LRMDA: variants seen among roughly 807,000 people sequenced by gnomAD.
LRMDA encodes the protein leucine rich melanocyte differentiation associated, also known as leucine-rich melanocyte differentiation-associated protein.
LRMDA carries 18 observed loss-of-function variants against 29.8 expected under a neutral mutation model. That is an observed-to-expected ratio of 0.60 (90% confidence interval 0.42 to 0.90). LRMDA has a LOEUF of 0.90. Among genes scored for constraint, LRMDA ranks in the 40% least tolerant of loss-of-function variants. The pLI, the probability that LRMDA is intolerant of heterozygous loss-of-function variation, is 0.00. For synonymous variants in LRMDA, 125 were observed against 109.4 expected, an observed-to-expected ratio of 1.14 and a Z score of -0.89; for missense variants, 273 against 273.9, an observed-to-expected ratio of 1.00 and a Z score of 0.02.
At chr10:75,524,115 T>C (rs1375553055) in intron 2 of LRMDA, among the ~76,000 whole-genome samples, 1 of 152,172 alleles carries the variant, frequency 6.6e-6, no homozygotes, top group Admixed American at 6.5e-5. Flanking sequence ...AAATGTAAAT[T>C]ATTATTAATA....
chr10:76,417,096 G>A (rs1312180931), intron 6 of LRMDA, among the ~76,000 whole-genome samples: 2 of 152,106 alleles, frequency 1.3e-5, no homozygotes, highest in Admixed American at 1.3e-4. Flanking sequence ...GTGGGATTAG[G>A]TGGGAAATTA....
intron 2 of LRMDA, among the ~76,000 whole-genome samples, chr10:75,863,198 G>A (rs868612867): frequency 5.3e-5 from 8 of 152,072 alleles, no homozygotes; most frequent in African/African-American, 1.2e-4. Context: ...GTTGTGCATC[G>A]CTTTACAGTT....
chr10:75,896,622 T>A (rs1185892005), intron 2 of LRMDA, among the ~76,000 whole-genome samples: 1 of 152,112 alleles, frequency 6.6e-6, no homozygotes, highest in Non-Finnish European at 1.5e-5. Flanking sequence ...ATGAGCAAAG[T>A]GACTATGAAG....
At chr10:76,220,024 A>G (rs1025415439) in intron 5 of LRMDA, among the ~76,000 whole-genome samples, 1 of 152,256 alleles carries the variant, frequency 6.6e-6, no homozygotes, top group Non-Finnish European at 1.5e-5. Flanking sequence ...ACTACTGGGT[A>G]CTTAACGAAA....
intron 5 of LRMDA, among the ~76,000 whole-genome samples, chr10:76,108,031 GA>G (rs1304437487): frequency 1.3e-5 from 2 of 152,202 alleles, no homozygotes; most frequent in African/African-American, 2.4e-5. Flanking sequence ...ACCCACAGTA[GA>G]AGGCAGAATT....
chr10:75,976,093 C>A (rs1847064777), intron 2 of LRMDA, among the ~76,000 whole-genome samples: 1 of 152,244 alleles, frequency 6.6e-6, no homozygotes, highest in African/African-American at 2.4e-5. Context: ...ACCTGTTGCA[C>A]TTGGTGTAAA....
At chr10:76,520,284 A>G (rs1344016075) in intron 6 of LRMDA, among the ~76,000 whole-genome samples, 1 of 151,110 alleles carries the variant, frequency 6.6e-6, no homozygotes, top group East Asian at 1.9e-4. Flanking sequence ...TACAAGTTCC[A>G]TGTTGTTTAA....
At chr10:76,095,939 T>C (rs1262932215) in intron 5 of LRMDA, among the ~76,000 whole-genome samples, 1 of 150,410 alleles carries the variant, frequency 6.6e-6, no homozygotes, top group African/African-American at 2.4e-5. Flanking sequence ...CGAGACTCCG[T>C]CTCAGAAAAA....
chr10:75,985,070 T>C (rs1847240082), intron 2 of LRMDA, among the ~76,000 whole-genome samples: 1 of 152,278 alleles, frequency 6.6e-6, no homozygotes, highest in Admixed American at 6.5e-5. Context: ...TGGTCTTTTG[T>C]GAGAAATGGC....
At chr10:75,488,981 T>A (rs1468081553) in intron 2 of LRMDA, among the ~76,000 whole-genome samples, 1 of 152,182 alleles carries the variant, frequency 6.6e-6, no homozygotes, top group East Asian at 1.9e-4. Flanking sequence ...GTTATCTCAG[T>A]CCTCACATGA....
chr10:76,127,736 G>A (rs717387), intron 5 of LRMDA, among the ~76,000 whole-genome samples: 84,086 of 151,846 alleles, frequency 0.55, 24,785 homozygotes, highest in African/African-American at 0.76. Flanking sequence ...ATTGCCTTAG[G>A]AGACTTTTAA....
At chr10:75,624,371 TTATCCAGG>T (rs1247304589) in intron 2 of LRMDA, among the ~76,000 whole-genome samples, 5 of 152,206 alleles carry the variant, frequency 3.3e-5, no homozygotes, top group Admixed American at 2.0e-4. Flanking sequence ...ATATGTCTTT[TTATCCAGG>T]ATAGGTTTTA....
intron 2 of LRMDA, among the ~76,000 whole-genome samples, chr10:75,490,711 G>T (rs771217246): frequency 6.6e-6 from 1 of 152,168 alleles, no homozygotes; most frequent in Non-Finnish European, 1.5e-5. Context: ...ATATCTGCCT[G>T]CTGATCCAAT....
At chr10:75,506,464 T>C (rs1166754294) in intron 2 of LRMDA, among the ~76,000 whole-genome samples, 1 of 109,512 alleles carries the variant, frequency 9.1e-6, no homozygotes, top group Admixed American at 1.0e-4. Context: ...TTCATTTATT[T>C]TTTTCATTCA....
chr10:76,244,327 CATG>C (rs1033147461), intron 5 of LRMDA, among the ~76,000 whole-genome samples: 22 of 152,236 alleles, frequency 1.4e-4, no homozygotes, highest in African/African-American at 5.1e-4. Flanking sequence ...CATTTTCCTA[CATG>C]ATGTTTCAAC....
chr10:76,110,414 C>T (rs983504755), intron 5 of LRMDA, among the ~76,000 whole-genome samples: 3 of 152,224 alleles, frequency 2.0e-5, no homozygotes, highest in African/African-American at 7.2e-5. Context: ...GTCTACTCTG[C>T]TTCCTTGAAC....
chr10:76,378,349 C>A (rs183704099), intron 6 of LRMDA, among the ~76,000 whole-genome samples: 1 of 152,178 alleles, frequency 6.6e-6, no homozygotes, highest in African/African-American at 2.4e-5. Context: ...ATTTGACTTC[C>A]TCTTTCCCAA....
chr10:76,224,287 TG>T (rs896917313), intron 5 of LRMDA, among the ~76,000 whole-genome samples: 4 of 147,204 alleles, frequency 2.7e-5, no homozygotes, highest in African/African-American at 1.0e-4. Flanking sequence ...AAAAAAAGAA[TG>T]GGGGCCAGGC....
At chr10:76,326,932 A>C (rs1840840805) in intron 6 of LRMDA, among the ~76,000 whole-genome samples, 2 of 152,028 alleles carry the variant, frequency 1.3e-5, no homozygotes, top group South Asian at 4.1e-4. Flanking sequence ...GATCTGAGTT[A>C]TGTTGATTTT....
Sources: allele counts gnomAD v4.1 joint callset (sites outside exome capture counted in the v4.1 genomes callset), GRCh38; gene constraint gnomAD v4.1.1; transcripts MANE v1.5; gene names NCBI Gene and HGNC (gene_info 2026-07-23, HGNC 2026-07-21).